Variants in GOLIM4 observed in about 807,000 individuals in gnomAD.
GOLIM4 encodes 130 kDa golgi-localized phosphoprotein.
Under a neutral mutation model 107.4 loss-of-function variants are expected in GOLIM4, and 71 were observed. The ratio of observed to expected loss-of-function variants is 0.66; its 90% CI spans 0.55 to 0.81. The LOEUF is 0.81. GOLIM4 is among the 30% of genes least tolerant of loss of function. GOLIM4 has a pLI of 0.00. For missense variants in GOLIM4, 830 were observed against 826.1 expected (o/e 1.00, Z -0.06); for synonymous variants, 327 against 294.8 (o/e 1.11, Z -1.12).
At chr3:168,018,498 T>C (rs1717498969) in intron 14 of GOLIM4, among the ~76,000 whole-genome samples, 1 of 152,152 alleles carries the variant, frequency 6.6e-6, no homozygotes, top group African/African-American at 2.4e-5. Flanking sequence ...AATAAATACA[T>C]TTTGAGGACA....
At chr3:168,073,641 A>G (rs552094708) in intron 1 of GOLIM4, among the ~76,000 whole-genome samples, 3 of 152,350 alleles carry the variant, frequency 2.0e-5, no homozygotes, top group Admixed American at 6.5e-5. Context: ...ATTTCAGCTA[A>G]TAAGTGCAAA....
chr3:168,033,034 T>G (rs1718425399), intron 8 of GOLIM4, among the ~76,000 whole-genome samples, 182 bp from the exon 9 acceptor site: 2 of 152,162 alleles, frequency 1.3e-5, no homozygotes, highest in South Asian at 4.1e-4. Flanking sequence ...TAATCTCACT[T>G]ATAAAATAGA....
intron 9 of GOLIM4, among the ~76,000 whole-genome samples, chr3:168,031,506 A>T (rs538146398): frequency 4.6e-5 from 7 of 152,312 alleles, no homozygotes; most frequent in Admixed American, 3.9e-4. Context: ...TACCCCATTG[A>T]GCTACTACCC....
At position 168,011,559 on chromosome 3, in the gene GOLIM4, G is replaced by A. The variant is rs547358541; in HGVS notation, c.1861-736C>T. On this transcript the variant is annotated intron_variant, in intron 14 of 15. Transcript: ENST00000470487. ...AGCCCACCACAGCTCAAGGAGGCCT[G>A]CCTGCCTCTGTAGGCTCCACCTCTG... 5.9e-5 allele frequency among the ~76,000 whole-genome samples: 9 copies of A among 151,980 alleles called. No individual in the cohort carries two copies. The South Asian group carries it at 1.7e-3, about 28-fold the overall frequency.
chr3:168,030,739 G>C lies in GOLIM4; in HGVS notation c.1177-703C>G, dbSNP rs546881360. ...ACGCTAGTGAGGATGTGGAGAAAGG[G>C]GAACCCTCGTACGCTGTTGGTGAGA... is the stretch of plus-strand genomic sequence containing the variant. On this transcript the variant is annotated intron_variant, in intron 9 of 15. Transcript: ENST00000470487. 7.9e-5 allele frequency among the ~76,000 whole-genome samples: 12 copies of C among 152,230 alleles called. No individual in the cohort carries two copies. In the South Asian group the frequency reaches 2.5e-3, roughly 32 times the overall value.
rs150113615 is a variant in GOLIM4, at chr3:168,070,789, T to G, written c.188-22424A>C. ...TGCTTTTTAGCTTGAAAGGGAAAGG[T>G]TATTTATTCAATGTAATGCCTTTGT... On this transcript the variant is annotated intron_variant, in intron 1 of 15. Transcript: ENST00000470487. 9.1e-3 allele frequency among the ~76,000 whole-genome samples: 1,391 copies of G among 152,290 alleles called. 18 individuals carry two copies. Among genetic ancestry groups the G allele is most frequent in the African/African-American group, 0.03 (1,244 of 41,562 alleles).
intron 14 of GOLIM4, among the ~76,000 whole-genome samples, chr3:168,016,503 A>G (rs1473986191): frequency 7.5e-6 from 1 of 132,728 alleles, no homozygotes; most frequent in Non-Finnish European, 1.5e-5. Context: ...AGGGATCTAG[A>G]ACTGGAAATA....
At chr3:168,081,948 C>A (rs1721390296) in intron 1 of GOLIM4, among the ~76,000 whole-genome samples, 1 of 152,082 alleles carries the variant, frequency 6.6e-6, no homozygotes, top group Non-Finnish European at 1.5e-5. Flanking sequence ...GGAACAGCAG[C>A]AAACACACTG....
At chr3:168,087,210 T>C (rs2108294750) in intron 1 of GOLIM4, among the ~76,000 whole-genome samples, 1 of 152,316 alleles carries the variant, frequency 6.6e-6, no homozygotes, top group African/African-American at 2.4e-5. Context: ...TTTACACCAC[T>C]ACTTTATAAA....
At chr3:168,025,661 C>T (rs1450263120) in intron 12 of GOLIM4, among the ~76,000 whole-genome samples, 1 of 152,054 alleles carries the variant, frequency 6.6e-6, no homozygotes, top group Non-Finnish European at 1.5e-5. Context: ...AGTATGGATC[C>T]AATTTCTTTA....
chr3:168,054,146 TC>T (rs2108260504), intron 1 of GOLIM4, among the ~76,000 whole-genome samples: 1 of 152,322 alleles, frequency 6.6e-6, no homozygotes, highest in African/African-American at 2.4e-5. Context: ...CCAGTTTCAT[TC>T]CTTCAATAAA....
intron 1 of GOLIM4, among the ~76,000 whole-genome samples, chr3:168,051,402 T>A (rs1053652422): frequency 1.3e-5 from 2 of 152,186 alleles, no homozygotes; most frequent in Admixed American, 6.5e-5. Context: ...CAGCAGTGTG[T>A]CTCAAGAGCC....
At chr3:168,017,755 A>G (rs1717454158) in intron 14 of GOLIM4, among the ~76,000 whole-genome samples, 1 of 152,232 alleles carries the variant, frequency 6.6e-6, no homozygotes. Flanking sequence ...TCTGGCTAAG[A>G]TATCTAGAAA....
At chr3:168,050,785 C>A (rs1056036553) in intron 1 of GOLIM4, among the ~76,000 whole-genome samples, 1 of 150,138 alleles carries the variant, frequency 6.7e-6, no homozygotes, top group African/African-American at 2.5e-5. Context: ...AGCAAAGTCC[C>A]CAGTATAGGC....
chr3:168,039,020 C>G (rs569475568), intron 7 of GOLIM4, among the ~76,000 whole-genome samples: 6 of 152,276 alleles, frequency 3.9e-5, no homozygotes, highest in African/African-American at 1.2e-4. Flanking sequence ...TCTGACCATG[C>G]TGGCACCCTG....
intron 1 of GOLIM4, 87 bp from the exon 2 acceptor site, chr3:168,048,452 A>C: frequency 1.5e-6 from 1 of 673,506 alleles, no homozygotes; most frequent in South Asian, 1.7e-5. Flanking sequence ...GGAAGAAAAC[A>C]GTGTAGAGTC....
intron 1 of GOLIM4, among the ~76,000 whole-genome samples, chr3:168,069,704 A>C (rs1026345588): frequency 1.3e-5 from 2 of 152,220 alleles, no homozygotes; most frequent in African/African-American, 4.8e-5. Context: ...GAATAAAATG[A>C]ATTAACTATG....
chr3:168,086,046 A>T (rs1290146186), intron 1 of GOLIM4, among the ~76,000 whole-genome samples: 1 of 152,184 alleles, frequency 6.6e-6, no homozygotes, highest in Non-Finnish European at 1.5e-5. Context: ...ATGACCGCCT[A>T]TACAGTAAAA....
rs1471869007 is a variant in GOLIM4 at position 168,010,202 on chromosome 3, G to A, written c.*67C>T. 2 of 1,400,244 alleles carry A rather than the reference G, an allele frequency of 1.4e-6. No homozygotes were observed. Among genetic ancestry groups the A allele is most frequent in the Admixed American group, 2.2e-5 (1 of 45,034 alleles). 86.7% of individuals were successfully genotyped at this position (1,400,244 alleles called of 1,614,324 possible). A position where few individuals can be genotyped will look rare whatever the true frequency, so the allele number is the denominator to read the frequency against. On this transcript the variant is annotated 3_prime_UTR_variant, in exon 16 of 16. Transcript: ENST00000470487. ...AATTAAATATCCTAGAGTTCAGTAG[G>A]CAGATTTATGTTTGAGCAGCTTGAA...
Sources: gnomAD v4.1 joint callset for allele counts (sites outside exome capture counted in the v4.1 genomes callset) on GRCh38, gnomAD v4.1.1 for gene constraint, MANE v1.5 for transcripts, NCBI Gene and HGNC (gene_info 2026-07-23, HGNC 2026-07-21) for gene names.